Variants in DYNLT2 observed in about 807,000 individuals in gnomAD.
The protein encoded by DYNLT2 is dynein light chain Tctex-type protein 2.
Under a neutral mutation model 24.3 loss-of-function variants are expected in DYNLT2, and 24 were observed. The ratio of observed to expected loss-of-function variants is 0.99; its 90% CI spans 0.71 to 1.39. DYNLT2 has a LOEUF of 1.39. Ranked by LOEUF, DYNLT2 falls within the 40% of genes most tolerant of loss-of-function variation. The pLI is 0.00. For missense variants in DYNLT2, 246 were observed against 234.5 expected, an observed-to-expected ratio of 1.05 and a Z score of -0.32; for synonymous variants, 85 against 85.4, an observed-to-expected ratio of 1.00 and a Z score of 0.03.
chr6:169,747,716 CTT>C lies in DYNLT2; in HGVS notation c.121-3444_121-3443del, dbSNP rs1283361004. ...AAATTTGACGAAAACTAATAACTCT[CTT>C]AACTACTTTAATGTCTGTTTATACT... On this transcript the variant is annotated intron_variant, in intron 1 of 3. Transcript: ENST00000366774. Among the ~76,000 whole-genome samples, 14 of 152,206 alleles carry C rather than the reference CTT, an allele frequency of 9.2e-5. No individual in the cohort carries two copies. In the East Asian group the frequency reaches 1.2e-3, roughly 13 times the overall value.
In DYNLT2 at chr6:169,751,493, C is replaced by A; in HGVS notation, c.-35G>T. On this transcript the variant is annotated 5_prime_UTR_variant, in exon 1 of 4. The change creates a new upstream start codon in the 5' untranslated region. Coordinates refer to ENST00000366774, the MANE Select transcript of DYNLT2 (RefSeq NM_174910.3). ...TTCTCCAAGACGCCCACCGCCTCCC[C>A]TTCACCGCCGGCGGTCAAACGCCCT... 6.2e-7 allele frequency: 1 copy of A among 1,611,746 alleles called. No individual in the cohort carries two copies. The highest frequency in any genetic ancestry group is 8.5e-7 in the Non-Finnish European group (1 of 1,178,894).
chr6:169,751,565 TAGGA>T lies in DYNLT2; in HGVS notation c.-111_-108del. The T allele has an allele frequency of 6.2e-7, 1 of 1,608,800 alleles. No homozygotes were observed. Among genetic ancestry groups the T allele is most frequent in the South Asian group, 1.1e-5 (1 of 90,622 alleles). ...AGTCTCCCACCTGCGCCTCGTACGG[TAGGA>T]AGTGCCCGCCAGGGCTCCAAAGCGC... is the stretch of plus-strand genomic sequence containing the variant. On this transcript the variant is annotated 5_prime_UTR_variant, in exon 1 of 4. Coordinates refer to ENST00000366774, the MANE Select transcript of DYNLT2 (RefSeq NM_174910.3).
rs1790080878 is a variant in DYNLT2, at chr6:169,751,565, T to C, written c.-107A>G. On this transcript the variant is annotated 5_prime_UTR_variant, in exon 1 of 4. Coordinates refer to ENST00000366774, the MANE Select transcript of DYNLT2 (RefSeq NM_174910.3). ...AGTCTCCCACCTGCGCCTCGTACGG[T>C]AGGAAGTGCCCGCCAGGGCTCCAAA... The C allele has an allele frequency of 1.3e-5, 21 of 1,608,800 alleles. No individual in the cohort carries two copies. The highest frequency in any genetic ancestry group is 8.5e-5 in the Admixed American group (5 of 59,154).
the DYNLT2 span, among the ~76,000 whole-genome samples, chr6:169,726,099 G>T: frequency 3.3e-5 from 5 of 152,192 alleles, no homozygotes; most frequent in Non-Finnish European, 4.4e-5. Context: ...TGGCAAACCT[G>T]TCTGTTATTT....
At position 169,748,034 on chromosome 6, in the gene DYNLT2, C is replaced by T. The variant is rs189821371; in HGVS notation, c.120+3305G>A. Among the ~76,000 whole-genome samples, 11 of 152,320 alleles carry T rather than the reference C, an allele frequency of 7.2e-5. No homozygotes were observed. In the East Asian group the frequency reaches 1.3e-3, roughly 19 times the overall value. On this transcript the variant is annotated intron_variant, in intron 1 of 3. Coordinates refer to ENST00000366774, the MANE Select transcript of DYNLT2 (RefSeq NM_174910.3). ...TACTGAGGCAATACACGTCTTAGCACGCTAACCAAAGCCCTGTATTTTTCA... is the reference window on the plus strand; with the variant it reads ...TACTGAGGCAATACACGTCTTAGCATGCTAACCAAAGCCCTGTATTTTTCA...
Position 169,747,440 on chromosome 6 carries a change from C to T in DYNLT2, c.121-3166G>A, listed in dbSNP as rs546956944. 1.5e-4 allele frequency among the ~76,000 whole-genome samples: 23 copies of T among 152,130 alleles called. No homozygotes were observed. The South Asian group carries it at 4.6e-3, about 30-fold the overall frequency. On this transcript the variant is annotated intron_variant, in intron 1 of 3. Transcript: ENST00000366774. Reference sequence around the variant, plus strand: ...TCTTTGGGGACTCAAATTATAAGAACGTTAGGCAACTTTAAGTTCTGTCAA... The same window carrying T: ...TCTTTGGGGACTCAAATTATAAGAATGTTAGGCAACTTTAAGTTCTGTCAA...
chr6:169,729,066 T>A, the DYNLT2 span, among the ~76,000 whole-genome samples: 1 of 152,234 alleles, frequency 6.6e-6, no homozygotes, highest in Admixed American at 6.5e-5. Context: ...GTAATTATCA[T>A]TTTCTTTCAA....
chr6:169,744,697 ACTT>A (rs1446643894), intron 1 of DYNLT2, among the ~76,000 whole-genome samples: 1 of 152,172 alleles, frequency 6.6e-6, no homozygotes, highest in East Asian at 1.9e-4. Flanking sequence ...ATTTTATTTT[ACTT>A]CATTTACTTA....
In DYNLT2 at chr6:169,740,214, C is replaced by G. The variant is rs1789646059; in HGVS notation, c.568G>C (p.Val190Leu). The change falls in exon 4 of 4, where the codon GTC (valine) becomes CTC (leucine). Residue 190 changes from valine (V) to leucine (L), a missense_variant. By Grantham distance (32) the Val-to-Leu change is conservative. Coordinates refer to ENST00000366774, the MANE Select transcript of DYNLT2 (RefSeq NM_174910.3). The part of the protein sequence containing the change: ...KHEAESYVAL[V>L]LVFALYYE Reference sequence around the variant, plus strand: ...TCATAATAAAGGGCAAACACCAAGACCAGTGCCACGTAGGATTCTGCTTCG... The same window carrying G: ...TCATAATAAAGGGCAAACACCAAGAGCAGTGCCACGTAGGATTCTGCTTCG... 1 of 1,613,932 alleles carries G rather than the reference C, an allele frequency of 6.2e-7. No individual in the cohort carries two copies. The highest frequency in any genetic ancestry group is 1.3e-5 in the African/African-American group (1 of 75,044).
rs771304852 is a variant in DYNLT2 at position 169,744,288 on chromosome 6, A to G, written c.121-14T>C. ...AATCTGTGTATACTGGAGGAGAAAGAGAGAGGGGAAGAGAGAAAGGCAGAA... is the reference window on the plus strand; with the variant it reads ...AATCTGTGTATACTGGAGGAGAAAGGGAGAGGGGAAGAGAGAAAGGCAGAA... On this transcript the variant is annotated splice_polypyrimidine_tract_variant and intron_variant, in intron 1 of 3. Coordinates refer to ENST00000366774, the MANE Select transcript of DYNLT2 (RefSeq NM_174910.3). 3.8e-6 allele frequency: 6 copies of G among 1,599,966 alleles called. No homozygotes were observed. In the South Asian group the frequency reaches 6.6e-5, roughly 18 times the overall value.
downstream of DYNLT2, among the ~76,000 whole-genome samples, chr6:169,737,869 A>C (rs1004530429): frequency 6.6e-6 from 1 of 152,148 alleles, no homozygotes; most frequent in South Asian, 2.1e-4. Flanking sequence ...GGGGAAACCC[A>C]CTTGTCTGGG....
chr6:169,746,527 T>C (rs1485806418), intron 1 of DYNLT2, among the ~76,000 whole-genome samples: 1 of 152,322 alleles, frequency 6.6e-6, no homozygotes, highest in East Asian at 1.9e-4. Context: ...GGATTTCCAT[T>C]TCTATGCTTA....
At chr6:169,744,379 A>C in intron 1 of DYNLT2, 105 bp from the exon 2 acceptor site, 1 of 925,880 alleles carries the variant, frequency 1.1e-6, no homozygotes, top group Non-Finnish European at 1.6e-6. Flanking sequence ...GACAGGGCTC[A>C]CACAAAGCTT....
At chr6:169,736,011 T>G (rs1789553731), downstream of DYNLT2, among the ~76,000 whole-genome samples, 2 of 152,246 alleles carry the variant, frequency 1.3e-5, no homozygotes, top group Admixed American at 1.3e-4. Flanking sequence ...GCTCTTCTTG[T>G]TGAATTGTTC....
downstream of DYNLT2, chr6:169,738,774 CTT>C (rs1789613010): frequency 6.6e-6 from 1 of 152,494 alleles, no homozygotes; most frequent in African/African-American, 2.4e-5. Context: ...CCTCAGGAAA[CTT>C]AAAATCATGG....
At chr6:169,736,682 G>A (rs1789568976), downstream of DYNLT2, among the ~76,000 whole-genome samples, 2 of 152,152 alleles carry the variant, frequency 1.3e-5, no homozygotes, top group African/African-American at 4.8e-5. Flanking sequence ...TGAGATGTCG[G>A]CTGTTAGTCT....
At chr6:169,732,916 TC>T in the DYNLT2 span, among the ~76,000 whole-genome samples, 1 of 152,332 alleles carries the variant, frequency 6.6e-6, no homozygotes, top group South Asian at 2.1e-4. Context: ...GTAAAAGTGT[TC>T]CTATTTCTCT....
the DYNLT2 span, among the ~76,000 whole-genome samples, chr6:169,733,466 G>A: frequency 6.6e-6 from 1 of 152,272 alleles, no homozygotes; most frequent in South Asian, 2.1e-4. Context: ...TCTTGTATAA[G>A]GTGTAAGGAA....
At chr6:169,731,959 A>G in the DYNLT2 span, among the ~76,000 whole-genome samples, 1 of 152,250 alleles carries the variant, frequency 6.6e-6, no homozygotes, top group South Asian at 2.1e-4. Flanking sequence ...CTCATTTTAC[A>G]AACAAGTCTA....
Sources: gnomAD v4.1 joint callset for allele counts (sites outside exome capture counted in the v4.1 genomes callset) on GRCh38, gnomAD v4.1.1 for gene constraint, MANE v1.5 for transcripts, NCBI Gene and HGNC (gene_info 2026-07-23, HGNC 2026-07-21) for gene names.